The following TTC6 variants were observed in gnomAD, a reference collection of about 807,000 sequenced individuals.
The protein encoded by TTC6 is tetratricopeptide repeat domain 6, also known as tetratricopeptide repeat protein 6.
TTC6 carries 172 observed loss-of-function variants against 210.4 expected under a neutral mutation model. The ratio of observed to expected loss-of-function variants is 0.82; its 90% CI spans 0.72 to 0.93. The LOEUF (loss-of-function observed/expected upper bound fraction) is 0.93. TTC6 is among the 40% of genes least tolerant of loss of function. The probability of loss-of-function intolerance (pLI) is 0.00; values close to 1 mark genes in which losing one functional copy is unlikely to be tolerated. For missense variants in TTC6, 2,414 were observed against 2,318.1 expected (o/e 1.04, Z -0.85); for synonymous variants, 804 against 819.6 (o/e 0.98, Z 0.32).
chr14:37,611,531 G>A (rs2095634511), intron 2 of TTC6, among the ~76,000 whole-genome samples: 1 of 152,182 alleles, frequency 6.6e-6, no homozygotes, highest in African/African-American at 2.4e-5. Flanking sequence ...GGGCACTGGG[G>A]CTGGAGTTTG....
intron 1 of TTC6, among the ~76,000 whole-genome samples, chr14:37,671,284 A>G (rs1455103328): frequency 6.6e-6 from 1 of 152,154 alleles, no homozygotes; most frequent in East Asian, 1.9e-4. Context: ...TGATCCAGAG[A>G]GGGCAATGCG....
rs778224749 is a variant in TTC6, at chr14:37,826,178, T to C, written c.4975-17T>C. The C allele has an allele frequency of 2.5e-6, 4 of 1,587,238 alleles. No individual in the cohort carries two copies. Among genetic ancestry groups the C allele is most frequent in the East Asian group, 2.2e-5 (1 of 44,592 alleles). Reference sequence around the variant, plus strand: ...ATGGAGTATTTCCTACTTCGTGTAATTGGAAAATTATTTTAGGCCCAAGGA... The same window carrying C: ...ATGGAGTATTTCCTACTTCGTGTAACTGGAAAATTATTTTAGGCCCAAGGA... On this transcript the variant is annotated splice_polypyrimidine_tract_variant and intron_variant, in intron 27 of 30. Coordinates refer to ENST00000553443, the Ensembl canonical transcript of TTC6.
At chr14:37,768,159 T>C (rs1240304158) in intron 14 of TTC6, among the ~76,000 whole-genome samples, 1 of 150,374 alleles carries the variant, frequency 6.7e-6, no homozygotes, top group Non-Finnish European at 1.5e-5. Context: ...CATTGATCTA[T>C]ATCTCTGTTT....
At chr14:37,816,479 G>A (rs1311613985) in intron 25 of TTC6, among the ~76,000 whole-genome samples, 1 of 152,150 alleles carries the variant, frequency 6.6e-6, no homozygotes, top group Non-Finnish European at 1.5e-5. Context: ...AGGAAGCCTG[G>A]AGGGATTTCC....
intron 14 of TTC6, chr14:37,772,591 CT>C: frequency 6.5e-6 from 1 of 152,968 alleles, no homozygotes; most frequent in Non-Finnish European, 1.5e-5. Context: ...TCACCCCTTT[CT>C]TTGACTAGGA....
upstream of TTC6, among the ~76,000 whole-genome samples, chr14:37,618,648 G>A (rs1566841999): frequency 6.6e-6 from 1 of 152,140 alleles, no homozygotes; most frequent in East Asian, 1.9e-4. Flanking sequence ...GGGAATAAAG[G>A]CACTTAGCTT....
At chr14:37,814,961 A>C (rs1284624526) in intron 25 of TTC6, among the ~76,000 whole-genome samples, 10 of 152,172 alleles carry the variant, frequency 6.6e-5, no homozygotes, top group Admixed American at 6.6e-4. Flanking sequence ...TCATAGGGAC[A>C]CTTTGTTCAG....
chr14:37,644,359 C>T (rs969214195), intron 1 of TTC6, among the ~76,000 whole-genome samples: 2 of 152,160 alleles, frequency 1.3e-5, no homozygotes, highest in African/African-American at 4.8e-5. Context: ...TCTGCATTCC[C>T]AGGGCCATCG....
At chr14:37,816,594 G>A (rs1167475585) in intron 25 of TTC6, among the ~76,000 whole-genome samples, 8 of 152,008 alleles carry the variant, frequency 5.3e-5, no homozygotes, top group Admixed American at 5.2e-4. Context: ...GCAGTCTTCT[G>A]GGGAAAAAGC....
At chr14:37,617,474 C>G (rs2139278445), upstream of TTC6, among the ~76,000 whole-genome samples, 1 of 152,116 alleles carries the variant, frequency 6.6e-6, no homozygotes, top group African/African-American at 2.4e-5. Flanking sequence ...TTTCTATATC[C>G]TTTTAAATGA....
At chr14:37,747,124 C>T (rs1402454831) in intron 10 of TTC6, among the ~76,000 whole-genome samples, 1 of 152,186 alleles carries the variant, frequency 6.6e-6, no homozygotes, top group Admixed American at 6.5e-5. Context: ...AATGCCTTGT[C>T]TTCCACCTGA....
intron 5 of TTC6, among the ~76,000 whole-genome samples, chr14:37,705,343 C>T (rs1203586067): frequency 6.6e-6 from 1 of 151,680 alleles, no homozygotes; most frequent in Non-Finnish European, 1.5e-5. Context: ...TATTTTTTTA[C>T]AAAAAACAAT....
chr14:37,678,553 C>T (rs2095775536), intron 1 of TTC6, among the ~76,000 whole-genome samples: 1 of 152,158 alleles, frequency 6.6e-6, no homozygotes, highest in Non-Finnish European at 1.5e-5. Flanking sequence ...CCTTTGTCCT[C>T]CTCTCATCTG....
chr14:37,608,218 A>G (rs2095628554), intron 2 of TTC6, among the ~76,000 whole-genome samples: 1 of 152,096 alleles, frequency 6.6e-6, no homozygotes, highest in Non-Finnish European at 1.5e-5. Flanking sequence ...CATAATGCAC[A>G]TGTTTCAACA....
At chr14:37,704,554 A>C (rs1340880024) in intron 5 of TTC6, among the ~76,000 whole-genome samples, 1 of 151,932 alleles carries the variant, frequency 6.6e-6, no homozygotes, top group Non-Finnish European at 1.5e-5. Context: ...TCCTTTTGAG[A>C]ATTACCAGAT....
chr14:37,643,526 G>A (rs931371699), intron 1 of TTC6, among the ~76,000 whole-genome samples: 1 of 152,052 alleles, frequency 6.6e-6, no homozygotes, highest in Non-Finnish European at 1.5e-5. Context: ...TGATCACATG[G>A]CCAGCTGTTA....
rs547212954 is a variant in TTC6 at position 37,740,613 on chromosome 14, T to C, written c.2363+1458T>C. Among the ~76,000 whole-genome samples, 7 of 152,248 alleles carry C rather than the reference T, an allele frequency of 4.6e-5. No individual in the cohort carries two copies. The South Asian group carries it at 1.5e-3, about 32-fold the overall frequency. On this transcript the variant is annotated intron_variant, in intron 10 of 30. Transcript: ENST00000553443. The stretch of plus-strand genomic sequence containing the variant: ...TACTTCATAAGTGTGAATGACAGAG[T>C]GGAACAGAGGCCAACCATAGCGGAG...
At chr14:37,629,254 C>T (rs1428563034) in intron 1 of TTC6, among the ~76,000 whole-genome samples, 1 of 152,068 alleles carries the variant, frequency 6.6e-6, no homozygotes, top group Non-Finnish European at 1.5e-5. Flanking sequence ...AATATTTTTC[C>T]ATTTGTTTGT....
At chr14:37,792,703 A>C (rs1477723822) in intron 17 of TTC6, among the ~76,000 whole-genome samples, 1 of 151,942 alleles carries the variant, frequency 6.6e-6, no homozygotes, top group African/African-American at 2.4e-5. Context: ...ATAGGAATAA[A>C]CTAAAAACTA....
Sources: gnomAD v4.1 joint callset for allele counts (sites outside exome capture counted in the v4.1 genomes callset) on GRCh38, gnomAD v4.1.1 for gene constraint, MANE v1.5 for transcripts, NCBI Gene and HGNC (gene_info 2026-07-23, HGNC 2026-07-21) for gene names.